Variants in MORC3 observed in about 807,000 individuals in gnomAD.
The protein encoded by MORC3 is MORC family CW-type zinc finger protein 3.
Under a neutral mutation model 109.1 loss-of-function variants are expected in MORC3, and 31 were observed. That is an observed-to-expected ratio of 0.28 (90% CI 0.21 to 0.38). MORC3 has a LOEUF of 0.38. MORC3 is among the 10% of genes least tolerant of loss of function. MORC3 has a pLI of 1.00. For synonymous variants in MORC3, 395 were observed against 380.7 expected (o/e 1.04, Z -0.44); for missense variants, 867 against 1,135.8 (o/e 0.76, Z 3.40).
At chr21:36,356,586 A>G (rs777838660) in intron 9 of MORC3, 34 bp from the exon 10 acceptor site, 3 of 1,115,746 alleles carry the variant, frequency 2.7e-6, no homozygotes, top group South Asian at 1.5e-5. Context: ...GTTTGAAAAG[A>G]ATTTTTTCTT....
intron 8 of MORC3, among the ~76,000 whole-genome samples, chr21:36,346,987 C>T (rs2085514958): frequency 7.5e-6 from 1 of 133,916 alleles, no homozygotes; most frequent in African/African-American, 2.8e-5. Flanking sequence ...GCCTGGGCAA[C>T]AGAGTGAGAC....
chr21:36,349,418 C>T lies in MORC3; in HGVS notation c.1103+10C>T. The T allele has an allele frequency of 1.3e-6, 2 of 1,514,298 alleles. 1 individual carries two copies. Among genetic ancestry groups the T allele is most frequent in the South Asian group, 2.5e-5 (2 of 80,460 alleles). The allele number at this position is 1,514,298 out of a possible 1,614,324, so 93.8% of individuals were successfully genotyped here. On this transcript the variant is annotated intron_variant, in intron 9 of 16. Transcript: ENST00000400485. Reference sequence around the variant, plus strand: ...ATACTAATGAGTACAGGTATGTTACCTATTTAAATTATTGACTGAGGTTCC... The same window carrying T: ...ATACTAATGAGTACAGGTATGTTACTTATTTAAATTATTGACTGAGGTTCC...
chr21:36,374,020 A>G lies in MORC3; in HGVS notation c.2667-1123A>G, dbSNP rs575882163. Among the ~76,000 whole-genome samples the G allele has an allele frequency of 7.6e-4, 116 of 152,336 alleles. 1 individual carries two copies. Among genetic ancestry groups the G allele is most frequent in the African/African-American group, 2.4e-3 (100 of 41,584 alleles). ...TCTATGGTTTCCCAGTGTTTTCAGCAAACCATTGTTCTCTGTAAATGCACG... is the reference window on the plus strand; with the variant it reads ...TCTATGGTTTCCCAGTGTTTTCAGCGAACCATTGTTCTCTGTAAATGCACG... On this transcript the variant is annotated intron_variant, in intron 16 of 16. Transcript: ENST00000400485.
chr21:36,366,599 T>C (rs1363103082), intron 14 of MORC3, among the ~76,000 whole-genome samples: 7 of 152,030 alleles, frequency 4.6e-5, no homozygotes, highest in Admixed American at 4.6e-4. Context: ...AGATTACAAA[T>C]GTACACCGCC....
chr21:36,355,118 G>T (rs182710969), intron 9 of MORC3, among the ~76,000 whole-genome samples: 8 of 152,278 alleles, frequency 5.3e-5, no homozygotes, highest in South Asian at 2.1e-4. Flanking sequence ...TTCTCTGTCA[G>T]AATTGTCTTC....
chr21:36,373,024 T>C (rs1029223845), intron 16 of MORC3, among the ~76,000 whole-genome samples: 3 of 152,184 alleles, frequency 2.0e-5, no homozygotes, highest in Admixed American at 6.6e-5. Flanking sequence ...GTACAGATGA[T>C]ATTAGGAAGA....
chr21:36,352,776 G>T (rs760571609), intron 9 of MORC3, among the ~76,000 whole-genome samples: 1 of 152,048 alleles, frequency 6.6e-6, no homozygotes, highest in Admixed American at 6.6e-5. Context: ...AACCTTAAGA[G>T]CCTGCTGTTG....
chr21:36,356,771 T>A, intron 10 of MORC3, 47 bp downstream of exon 10: 1 of 1,243,472 alleles, frequency 8.0e-7, no homozygotes, highest in Non-Finnish European at 1.1e-6. Context: ...TATCAAGATG[T>A]GGTATTAGAG....
Position 36,372,486 on chromosome 21 carries a change from C to T in MORC3, c.2621C>T (p.Thr874Ile), listed in dbSNP as rs1569111838. 1.9e-6 allele frequency: 3 copies of T among 1,604,000 alleles called. No individual in the cohort carries two copies. The Admixed American group carries it at 5.3e-5, about 29-fold the overall frequency. ...TNQQTATDVS[T>I]SSNIEESVNH... ...CAACAGACGGCAACAGATGTTTCAA[C>T]ATCAAGTAACATTGAGGAGTCTGTA... Residue 874 changes from threonine (T) to isoleucine (I), a missense_variant, in exon 16 of 17, where the codon ACA becomes ATA. By Grantham distance (89) the Thr-to-Ile change is moderately conservative (BLOSUM62 -1). This residue lies in a region of MORC3 where 486 missense variants were observed against 502.1 expected (regional missense o/e 0.97). Coordinates refer to ENST00000400485, the MANE Select transcript of MORC3 (RefSeq NM_015358.3).
At chr21:36,349,290 G>T in intron 8 of MORC3, 21 bp from the exon 9 acceptor site, 1 of 1,536,158 alleles carries the variant, frequency 6.5e-7, no homozygotes. Flanking sequence ...TTAAAATGCT[G>T]ATTTCATTTT....
At chr21:36,353,133 C>T (rs1479190890) in intron 9 of MORC3, among the ~76,000 whole-genome samples, 5 of 149,210 alleles carry the variant, frequency 3.4e-5, no homozygotes, top group East Asian at 2.0e-4. Context: ...CCGAGGTGGG[C>T]GGATCACGAG....
chr21:36,337,151 CTACTGGTAGATGATGAGT>C, intron 3 of MORC3, 145 bp downstream of exon 3: 1 of 958,418 alleles, frequency 1.0e-6, no homozygotes. Flanking sequence ...TGATTTTCTA[CTACTGGTAGATGATGAGT>C]CAGTCTTCAC....
chr21:36,363,407 C>CT (rs970062299), intron 13 of MORC3, among the ~76,000 whole-genome samples: 6 of 152,110 alleles, frequency 3.9e-5, no homozygotes, highest in Admixed American at 1.3e-4. Context: ...GACTGAGACT[C>CT]TGTCTCAAAA....
rs555345554 is a variant in MORC3 at position 36,341,976 on chromosome 21, C to G, written c.756+430C>G. ...TGCACGGTGGTTCACACCTGTAATCCCAGCACTTTGGGAGGCCAAGGTGGG... is the reference window on the plus strand; with the variant it reads ...TGCACGGTGGTTCACACCTGTAATCGCAGCACTTTGGGAGGCCAAGGTGGG... On this transcript the variant is annotated intron_variant, in intron 6 of 16. Transcript: ENST00000400485. 2.0e-5 allele frequency among the ~76,000 whole-genome samples: 3 copies of G among 152,148 alleles called. No homozygotes were observed. In the East Asian group the frequency reaches 5.8e-4, roughly 29 times the overall value.
In MORC3 at chr21:36,372,521, G is replaced by T. The variant is rs867735648; in HGVS notation, c.2656G>T (p.Asp886Tyr). 4.4e-6 allele frequency: 7 copies of T among 1,580,310 alleles called. No individual in the cohort carries two copies. The Middle Eastern group carries it at 5.1e-4, about 115-fold the overall frequency. Reference sequence around the variant, plus strand: ...CATTGAGGAGTCTGTAAATCATATGGATGGAGAAAGGTAATATTAAATGAG... The same window carrying T: ...CATTGAGGAGTCTGTAAATCATATGTATGGAGAAAGGTAATATTAAATGAG... ...SNIEESVNHM[D>Y]GESLKLRSLR... is the part of the protein sequence containing the mutation. The change falls in exon 16 of 17, where the codon GAT (aspartate) becomes TAT (tyrosine). Residue 886 changes from aspartate to tyrosine, a missense_variant. Coordinates refer to ENST00000400485, the MANE Select transcript of MORC3 (RefSeq NM_015358.3).
Position 36,369,602 on chromosome 21 carries a change from A to G in MORC3, c.2234A>G (p.His745Arg). Reference sequence around the variant, plus strand: ...AAGTATGTTAAGAAAGAAACTTGCCATCAGTCCACTGAAACCGATGCTGTA... The same window carrying G: ...AAGTATGTTAAGAAAGAAACTTGCCGTCAGTCCACTGAAACCGATGCTGTA... ...NDKYVKKETC[H>R]QSTETDAVFL... The change falls in exon 15 of 17, where the codon CAT becomes CGT. Residue 745 changes from histidine to arginine, a missense_variant. Physicochemically the swap from His to Arg is conservative, Grantham distance 29. Around this residue, in one of 7 missense-constraint regions of MORC3, gnomAD observed 486 missense variants for 502.1 expected, o/e 0.97. Transcript: ENST00000400485. 6.2e-7 allele frequency: 1 copy of G among 1,614,248 alleles called. No homozygotes were observed. Among genetic ancestry groups the G allele is most frequent in the Non-Finnish European group, 8.5e-7 (1 of 1,180,052 alleles).
Position 36,372,470 on chromosome 21 carries a change from G to T in MORC3, c.2605G>T (p.Ala869Ser). The T allele has an allele frequency of 6.2e-7, 1 of 1,609,122 alleles. No homozygotes were observed. Among genetic ancestry groups the T allele is most frequent in the South Asian group, 1.1e-5 (1 of 89,942 alleles). Residue 869 changes from alanine to serine, a missense_variant, in exon 16 of 17, where the codon GCA becomes TCA. Around this residue, in one of 7 missense-constraint regions of MORC3, gnomAD observed 486 missense variants for 502.1 expected, o/e 0.97. Transcript: ENST00000400485. ...GTTAAAATCTACAAATCAACAGACG[G>T]CAACAGATGTTTCAACATCAAGTAA... ...EQLKSTNQQT[A>S]TDVSTSSNIE...
intron 1 of MORC3, among the ~76,000 whole-genome samples, chr21:36,322,464 C>T (rs920800530): frequency 6.6e-6 from 1 of 152,110 alleles, no homozygotes; most frequent in Admixed American, 6.6e-5. Context: ...CTCCACCTCC[C>T]GGATTCAAGC....
In MORC3 at chr21:36,348,115, A is replaced by G. The variant is rs4491801; in HGVS notation, c.1006-1196A>G. 18 of 152,338 alleles carry G rather than the reference A, an allele frequency of 1.2e-4. No individual in the cohort carries two copies. In the East Asian group the frequency reaches 3.3e-3, roughly 28 times the overall value. 9.4% of individuals were successfully genotyped at this position (152,338 alleles called of 1,614,324 possible). On this transcript the variant is annotated intron_variant, in intron 8 of 16. Transcript: ENST00000400485. Reference sequence around the variant, plus strand: ...AGAAGTATAGCTACAATCATGAACAAAATATACTTGTTAGTCACACGTAGA... The same window carrying G: ...AGAAGTATAGCTACAATCATGAACAGAATATACTTGTTAGTCACACGTAGA...
Sources: gnomAD v4.1 joint callset for allele counts (sites outside exome capture counted in the v4.1 genomes callset) on GRCh38, gnomAD v4.1.1 for gene constraint, gnomAD v4.1.1 regional missense constraint, MANE v1.5 for transcripts, NCBI Gene and HGNC (gene_info 2026-07-23, HGNC 2026-07-21) for gene names.